The following DCC variants were observed in gnomAD, a reference collection of about 807,000 sequenced individuals.
DCC encodes DCC netrin 1 receptor.
DCC carries 58 observed loss-of-function variants against 172.5 expected under a neutral mutation model. The observed-to-expected ratio is 0.34, with a 90% CI of 0.27 to 0.42. The LOEUF is 0.42. Ranked by LOEUF, DCC falls within the 10% of genes least tolerant of loss-of-function variation. The probability of loss-of-function intolerance (pLI) is 1.00; values close to 1 mark genes in which losing one functional copy is unlikely to be tolerated. For synonymous variants in DCC, 709 were observed against 644.5 expected (o/e 1.10, Z -1.52); for missense variants, 1,740 against 1,791.0 (o/e 0.97, Z 0.51).
intron 5 of DCC, among the ~76,000 whole-genome samples, chr18:53,032,427 A>G (rs1365868992): frequency 6.6e-6 from 1 of 152,074 alleles, no homozygotes; most frequent in Non-Finnish European, 1.5e-5. Context: ...TTTTCTTGTG[A>G]TATATGAGGT....
intron 7 of DCC, among the ~76,000 whole-genome samples, chr18:53,137,300 A>G (rs1358437101): frequency 1.3e-5 from 2 of 152,274 alleles, no homozygotes; most frequent in Middle Eastern, 6.8e-3. Context: ...CCAATCTCTC[A>G]GATTATTGGC....
chr18:53,314,267 G>A (rs2057318737), intron 13 of DCC, among the ~76,000 whole-genome samples: 1 of 152,134 alleles, frequency 6.6e-6, no homozygotes, highest in African/African-American at 2.4e-5. Flanking sequence ...TTTATATCAT[G>A]CACTTACTTG....
intron 18 of DCC, among the ~76,000 whole-genome samples, chr18:53,401,969 A>G (rs1248372792): frequency 6.6e-6 from 1 of 152,192 alleles, no homozygotes; most frequent in Non-Finnish European, 1.5e-5. Flanking sequence ...GATTGATACT[A>G]AGACACTCAT....
chr18:53,226,930 G>GTA (rs1290601706), intron 12 of DCC, among the ~76,000 whole-genome samples: 74 of 48,526 alleles, frequency 1.5e-3, no homozygotes, highest in Admixed American at 4.9e-3. Flanking sequence ...GTGTGTGTGT[G>GTA]TGTGTATATA....
At chr18:52,800,824 G>C (rs987860427) in intron 2 of DCC, among the ~76,000 whole-genome samples, 3 of 152,198 alleles carry the variant, frequency 2.0e-5, no homozygotes, top group Non-Finnish European at 4.4e-5. Context: ...AACTACCTTA[G>C]ACGCTGTGGC....
intron 1 of DCC, among the ~76,000 whole-genome samples, chr18:52,416,326 G>T (rs1164041955): frequency 6.6e-6 from 1 of 151,502 alleles, no homozygotes; most frequent in African/African-American, 2.4e-5. Flanking sequence ...GTGTGGTGTG[G>T]TGCTGAAAAA....
intron 2 of DCC, among the ~76,000 whole-genome samples, chr18:52,810,580 G>T (rs1467379144): frequency 1.3e-5 from 2 of 152,162 alleles, no homozygotes; most frequent in Non-Finnish European, 2.9e-5. Context: ...AGGTGGGAAA[G>T]TCCCCCATGT....
chr18:52,851,810 T>A (rs1233789071), intron 2 of DCC, among the ~76,000 whole-genome samples: 2 of 152,122 alleles, frequency 1.3e-5, no homozygotes, highest in African/African-American at 2.4e-5. Context: ...AAATGTAAAT[T>A]TCAAAATTAT....
chr18:53,417,194 G>C (rs1207656699), intron 21 of DCC, among the ~76,000 whole-genome samples: 1 of 152,222 alleles, frequency 6.6e-6, no homozygotes, highest in East Asian at 1.9e-4. Flanking sequence ...GCCTCTGGAT[G>C]CTGGCTCTCC....
rs901443834 is a variant in DCC, at chr18:52,696,924, C to A, written c.92-55130C>A. On this transcript the variant is annotated intron_variant, in intron 1 of 28. Transcript: ENST00000442544. The stretch of plus-strand genomic sequence containing the variant: ...AAGTTAGATTCCATAATTTTTAATT[C>A]TGTAAATGTGGGATGGGACCAAGTA... Among the ~76,000 whole-genome samples, 32 of 152,076 alleles carry A rather than the reference C, an allele frequency of 2.1e-4. 1 individual carries two copies. Among genetic ancestry groups the A allele is most frequent in the Non-Finnish European group, 8.8e-5 (6 of 68,024 alleles).
chr18:52,941,064 G>C (rs1443052067), intron 5 of DCC: 1 of 152,052 alleles, frequency 6.6e-6, no homozygotes, highest in Non-Finnish European at 1.5e-5. Context: ...GGTGAAAAGG[G>C]ACACAATCAA....
At chr18:52,500,341 C>A (rs1381262443) in intron 1 of DCC, among the ~76,000 whole-genome samples, 1 of 152,130 alleles carries the variant, frequency 6.6e-6, no homozygotes, top group Non-Finnish European at 1.5e-5. Flanking sequence ...TTGAGCAGAG[C>A]TGTTGATTAG....
chr18:53,092,798 T>C (rs1248256932), intron 7 of DCC, among the ~76,000 whole-genome samples: 1 of 151,992 alleles, frequency 6.6e-6, no homozygotes, highest in Non-Finnish European at 1.5e-5. Context: ...ACCAATCCAG[T>C]CCCCATCACA....
intron 5 of DCC, among the ~76,000 whole-genome samples, chr18:52,995,226 A>G (rs916650855): frequency 1.3e-5 from 2 of 152,142 alleles, no homozygotes; most frequent in East Asian, 1.9e-4. Context: ...CTAGAACTAC[A>G]TAAGTGACTC....
intron 8 of DCC, 47 bp from the exon 9 acceptor site, chr18:53,178,915 A>G: frequency 6.2e-7 from 1 of 1,609,940 alleles, no homozygotes; most frequent in South Asian, 1.1e-5. Context: ...TTTTGGCTGA[A>G]GGTATTCTTT....
At chr18:53,363,142 A>C (rs370382572) in intron 15 of DCC, among the ~76,000 whole-genome samples, 73 of 152,244 alleles carry the variant, frequency 4.8e-4, no homozygotes, top group African/African-American at 1.7e-3. Flanking sequence ...AAACAGCCTG[A>C]CTCAAAAGCA....
At chr18:52,999,417 G>A (rs565876189) in intron 5 of DCC, among the ~76,000 whole-genome samples, 171 of 152,122 alleles carry the variant, frequency 1.1e-3, no homozygotes, top group African/African-American at 3.7e-3. Context: ...TTTGTGGAGG[G>A]ATTTGTGCAC....
intron 8 of DCC, among the ~76,000 whole-genome samples, chr18:53,175,903 T>C (rs1465441144): frequency 0.015 from 2,250 of 152,114 alleles, 56 homozygotes; most frequent in African/African-American, 0.052. Flanking sequence ...AAGCTGGAGG[T>C]ATCACACTAC....
intron 1 of DCC, among the ~76,000 whole-genome samples, chr18:52,437,353 C>A (rs776463932): frequency 1.3e-5 from 2 of 152,094 alleles, no homozygotes; most frequent in African/African-American, 2.4e-5. Flanking sequence ...CACAGGCTGG[C>A]AGTCTTGGCA....
Sources: allele counts gnomAD v4.1 joint callset (sites outside exome capture counted in the v4.1 genomes callset), GRCh38; gene constraint gnomAD v4.1.1; transcripts MANE v1.5; gene names NCBI Gene and HGNC (gene_info 2026-07-23, HGNC 2026-07-21).